Variants in NCKAP1 observed in about 807,000 individuals in gnomAD.
NCKAP1 encodes the protein nck-associated protein 1.
Under a neutral mutation model 151.2 loss-of-function variants are expected in NCKAP1, and 21 were observed. The observed-to-expected ratio is 0.14, with a 90% CI of 0.10 to 0.20. The LOEUF (loss-of-function observed/expected upper bound fraction) is 0.20. Among genes scored for constraint, NCKAP1 ranks in the 10% least tolerant of loss-of-function variants. NCKAP1 has a pLI of 1.00. For synonymous variants in NCKAP1, 484 were observed against 451.8 expected (o/e 1.07, Z -0.90); for missense variants, 933 against 1,352.1 (o/e 0.69, Z 4.86).
At chr2:182,972,538 T>C (rs1251644473) in intron 15 of NCKAP1, among the ~76,000 whole-genome samples, 3 of 151,992 alleles carry the variant, frequency 2.0e-5, no homozygotes, top group Admixed American at 6.6e-5. Flanking sequence ...AATTTGAAAA[T>C]AGATCCAGCA....
chr2:182,976,381 C>T (rs1011967208), intron 15 of NCKAP1, among the ~76,000 whole-genome samples: 1 of 152,118 alleles, frequency 6.6e-6, no homozygotes, highest in Non-Finnish European at 1.5e-5. Flanking sequence ...GGCCTGTGGG[C>T]TACCTGCTTG....
Position 182,998,791 on chromosome 2 carries a change from G to A in NCKAP1, c.604-2953C>T, listed in dbSNP as rs1213724870. ...GTTGCAGTGAGCCAAGAGCCAAGAT[G>A]GCACCACTGCACTCCAGCCTGGGTG... On this transcript the variant is annotated intron_variant, in intron 6 of 30. Transcript: ENST00000361354. Among the ~76,000 whole-genome samples, 3 of 134,318 alleles carry A rather than the reference G, an allele frequency of 2.2e-5. No homozygotes were observed. In the East Asian group the frequency reaches 6.8e-4, roughly 31 times the overall value. 88.1% of individuals were successfully genotyped at this position (134,318 alleles called of 152,430 possible).
Position 183,027,241 on chromosome 2 carries a change from A to T in NCKAP1, c.109-3325T>A, listed in dbSNP as rs149640254. 1.2e-3 allele frequency among the ~76,000 whole-genome samples: 190 copies of T among 152,332 alleles called. 2 individuals carry two copies. Among genetic ancestry groups the T allele is most frequent in the African/African-American group, 4.4e-3 (184 of 41,570 alleles). On this transcript the variant is annotated intron_variant, in intron 1 of 30. Coordinates refer to ENST00000361354, the MANE Select transcript of NCKAP1 (RefSeq NM_013436.5). The stretch of plus-strand genomic sequence containing the variant: ...TTCAACTGTTAAACAGATAATAATT[A>T]CAACCTATGCTAAAAAGTTTTTATG...
intron 14 of NCKAP1, 100 bp from the exon 15 acceptor site, chr2:182,977,051 T>A (rs1697838327): frequency 1.5e-6 from 1 of 678,604 alleles, no homozygotes. Flanking sequence ...ATTCTACTTC[T>A]GAGTATACCT....
At position 182,926,847 on chromosome 2, in the gene NCKAP1, T is replaced by C. The variant is rs1465643081; in HGVS notation, c.3239A>G (p.Asn1080Ser). The change falls in exon 30 of 31, where the codon AAT becomes AGT. Residue 1080 changes from asparagine to serine, a missense_variant. Physicochemically the swap from Asn to Ser is conservative, Grantham distance 46. Around this residue, in one of 2 missense-constraint regions of NCKAP1, gnomAD observed 326 missense variants for 557.1 expected, o/e 0.59. Transcript: ENST00000361354. ...GQETDKTTTRNRESVYLLLDM... is the reference protein window; with the variant it reads ...GQETDKTTTRSRESVYLLLDM... ...TAGCAGTAAATAAACAGATTCTCTA[T>C]TTCTTGTTGTAGTTTTATCTGTCTC... is the stretch of plus-strand genomic sequence containing the variant. 6.2e-7 allele frequency: 1 copy of C among 1,605,764 alleles called. No individual in the cohort carries two copies. The highest frequency in any genetic ancestry group is 8.5e-7 in the Non-Finnish European group (1 of 1,174,714).
At chr2:182,945,127 C>T (rs1276709681) in intron 23 of NCKAP1, among the ~76,000 whole-genome samples, 5 of 151,834 alleles carry the variant, frequency 3.3e-5, no homozygotes, top group African/African-American at 1.2e-4. Flanking sequence ...CCCAGCTACT[C>T]GGGAGGCTGA....
At chr2:183,005,464 T>C (rs1698452686) in intron 2 of NCKAP1, among the ~76,000 whole-genome samples, 1 of 152,166 alleles carries the variant, frequency 6.6e-6, no homozygotes, top group Non-Finnish European at 1.5e-5. Context: ...AAGTTACAAC[T>C]ACTTAATGAC....
chr2:182,935,771 T>C (rs187016667), intron 24 of NCKAP1, among the ~76,000 whole-genome samples: 2 of 151,854 alleles, frequency 1.3e-5, no homozygotes, highest in Admixed American at 6.6e-5. Context: ...CTGATCAGAG[T>C]GAACAGGAGT....
chr2:182,988,977 AACTC>A, intron 9 of NCKAP1, 49 bp downstream of exon 9: 1 of 1,502,258 alleles, frequency 6.7e-7, no homozygotes, highest in Non-Finnish European at 9.1e-7. Flanking sequence ...CAGTAAAGAT[AACTC>A]ACTCACCACC....
chr2:183,025,143 G>T, intron 1 of NCKAP1: 1 of 711,692 alleles, frequency 1.4e-6, no homozygotes, highest in South Asian at 2.0e-5. Flanking sequence ...AATTTTAAAG[G>T]TATTCTAAGT....
chr2:182,996,866 G>A (rs530585700), intron 6 of NCKAP1, among the ~76,000 whole-genome samples: 1 of 152,292 alleles, frequency 6.6e-6, no homozygotes, highest in African/African-American at 2.4e-5. Context: ...TCTGGAAACA[G>A]AACCCCACAA....
chr2:182,930,389 G>A (rs566404222), intron 27 of NCKAP1, among the ~76,000 whole-genome samples: 2 of 150,656 alleles, frequency 1.3e-5, no homozygotes, highest in Non-Finnish European at 3.0e-5. Flanking sequence ...TTCTTTTTTC[G>A]TGGTTTTTCC....
chr2:183,015,354 T>C (rs1559107103), intron 2 of NCKAP1, among the ~76,000 whole-genome samples: 1 of 151,988 alleles, frequency 6.6e-6, no homozygotes, highest in Non-Finnish European at 1.5e-5. Context: ...GAAAATTCAG[T>C]GGAAAAGCGC....
intron 26 of NCKAP1, 58 bp from the exon 27 acceptor site, chr2:182,930,846 C>T (rs1020694437): frequency 5.5e-6 from 8 of 1,457,638 alleles, no homozygotes; most frequent in Admixed American, 1.7e-5. Context: ...TCTGAGAAAG[C>T]TCACTGTTTA....
chr2:182,972,714 T>C (rs1482079871), intron 15 of NCKAP1, among the ~76,000 whole-genome samples: 1 of 152,186 alleles, frequency 6.6e-6, no homozygotes, highest in African/African-American at 2.4e-5. Flanking sequence ...GGAATATTAT[T>C]ATGCCATAAA....
At chr2:182,989,865 T>C (rs1440004362) in intron 8 of NCKAP1, among the ~76,000 whole-genome samples, 1 of 151,748 alleles carries the variant, frequency 6.6e-6, no homozygotes, top group Admixed American at 6.6e-5. Context: ...ACAGGAGTGT[T>C]GGTGCGCCCA....
rs1696432814 is a variant in NCKAP1, at chr2:182,913,998, A to C, written c.*11704T>G. 6.6e-6 allele frequency: 1 copy of C among 152,188 alleles called. No homozygotes were observed. The highest frequency in any genetic ancestry group is 1.5e-5 in the Non-Finnish European group (1 of 68,060). 9.4% of individuals were successfully genotyped at this position (152,188 alleles called of 1,614,324 possible). A position where few individuals can be genotyped will look rare whatever the true frequency, so the allele number is the denominator to read the frequency against. ...ACTCTGATAAGAACCCACCATTTAC[A>C]AGCTATTGGACTAACTCCCCTTGGA... On this transcript the variant is annotated 3_prime_UTR_variant, in exon 31 of 31. Transcript: ENST00000361354.
At position 182,916,223 on chromosome 2, in the gene NCKAP1, A is replaced by AT. The variant is rs909210380; in HGVS notation, c.*9478dup. On this transcript the variant is annotated 3_prime_UTR_variant, in exon 31 of 31. Transcript: ENST00000361354. Reference sequence around the variant, plus strand: ...TCTGTGTCATCACTGAGCTGCTGCTATTACAGGTGTAGAAATCCCCAGCTG... The same window carrying AT: ...TCTGTGTCATCACTGAGCTGCTGCTATTTACAGGTGTAGAAATCCCCAGCTG... 40 of 149,598 alleles carry AT rather than the reference A, an allele frequency of 2.7e-4. No homozygotes were observed. Among genetic ancestry groups the AT allele is most frequent in the African/African-American group, 9.5e-4 (39 of 40,864 alleles). 9.3% of individuals were successfully genotyped at this position (149,598 alleles called of 1,614,324 possible).
At chr2:182,950,295 C>A (rs1697188078) in intron 23 of NCKAP1, among the ~76,000 whole-genome samples, 1 of 151,752 alleles carries the variant, frequency 6.6e-6, no homozygotes, top group South Asian at 2.1e-4. Context: ...AATTAAATAA[C>A]AAAAAAGCAA....
Sources: gnomAD v4.1 joint callset for allele counts (sites outside exome capture counted in the v4.1 genomes callset) on GRCh38, gnomAD v4.1.1 for gene constraint, gnomAD v4.1.1 regional missense constraint, MANE v1.5 for transcripts, NCBI Gene and HGNC (gene_info 2026-07-23, HGNC 2026-07-21) for gene names.